Variants in PUDP observed in about 807,000 individuals in gnomAD.
The protein encoded by PUDP is pseudouridine-5'-phosphatase.
Under a neutral mutation model 9.4 loss-of-function variants are expected in PUDP, and 8 were observed. The ratio of observed to expected loss-of-function variants is 0.85; its 90% CI spans 0.50 to 1.53. The LOEUF (loss-of-function observed/expected upper bound fraction) is 1.53, where lower values mean the gene tolerates loss of function less well. Ranked by LOEUF, PUDP falls within the 40% of genes most tolerant of loss-of-function variation. PUDP has a pLI of 0.00. For missense variants in PUDP, 188 were observed against 189.7 expected, an observed-to-expected ratio of 0.99 and a Z score of 0.05; for synonymous variants, 99 against 80.7, an observed-to-expected ratio of 1.23 and a Z score of -1.22.
chrX:6,768,108 T>A (rs957755110), intron 3 of PUDP, among the ~76,000 whole-genome samples: 1 of 111,813 alleles, frequency 8.9e-6, no homozygotes, highest in Non-Finnish European at 1.9e-5. Context: ...AATCCAATGT[T>A]GGAATTTTAG....
intron 3 of PUDP, among the ~76,000 whole-genome samples, chrX:6,893,937 T>G (rs944953603): frequency 8.9e-6 from 1 of 111,918 alleles, no homozygotes; most frequent in African/African-American, 3.2e-5. Context: ...AACGAGATCA[T>G]GTCCTTTGCA....
intron 1 of PUDP, among the ~76,000 whole-genome samples, chrX:6,978,493 G>A (rs1370953147): frequency 2.7e-5 from 3 of 111,708 alleles, no homozygotes; most frequent in Admixed American, 9.5e-5. Context: ...CATGTGTATC[G>A]TTGTCCAGAT....
At chrX:6,986,531 G>C (rs1235869598) in intron 1 of PUDP, among the ~76,000 whole-genome samples, 1 of 111,839 alleles carries the variant, frequency 8.9e-6, no homozygotes, top group Non-Finnish European at 1.9e-5. Flanking sequence ...GTCTGAAAGA[G>C]GCACCCCTGT....
At chrX:6,959,765 G>T (rs769529229) in intron 3 of PUDP, among the ~76,000 whole-genome samples, 1 of 112,527 alleles carries the variant, frequency 8.9e-6, no homozygotes, top group Admixed American at 9.3e-5. Context: ...GGTGGGGATT[G>T]GGCCCCTAGG....
intron 1 of PUDP, among the ~76,000 whole-genome samples, chrX:6,998,652 GAAT>G (rs749321172): frequency 1.3e-4 from 15 of 112,298 alleles, no homozygotes; most frequent in Non-Finnish European, 1.7e-4. Context: ...GTTTTCATTA[GAAT>G]AATCGAGAGC....
At chrX:6,721,057 A>G (rs2146655287) in intron 1 of PUDP, among the ~76,000 whole-genome samples, 1 of 112,075 alleles carries the variant, frequency 8.9e-6, no homozygotes, top group Non-Finnish European at 1.9e-5. Flanking sequence ...GTTTAAATTT[A>G]CTTTCTTTAT....
intron 3 of PUDP, among the ~76,000 whole-genome samples, chrX:6,833,009 T>G (rs1926527214): frequency 1.1e-5 from 1 of 93,555 alleles, no homozygotes; most frequent in Non-Finnish European, 2.1e-5. Context: ...CACACACACT[T>G]CACCCAGTTA....
At chrX:7,037,790 C>CA (rs1483765366) in intron 1 of PUDP, among the ~76,000 whole-genome samples, 2 of 110,717 alleles carry the variant, frequency 1.8e-5, no homozygotes, top group Non-Finnish European at 3.8e-5. Flanking sequence ...AAATTCATTC[C>CA]TTTTTTTTTC....
chrX:7,057,967 A>G lies in PUDP; in HGVS notation c.511-7495T>C, dbSNP rs1930293368. On this transcript the variant is annotated intron_variant, in intron 3 of 3. Transcript: ENST00000381077. ...GGTCTCACTTCCCGGTGATGCTTCC[A>G]CCTTTGGCTCCTCCCTGCTGCAAAT... The G allele has an allele frequency of 1.3e-5, 6 of 445,800 alleles. No homozygotes were observed. The Admixed American group carries it at 2.3e-4, about 17-fold the overall frequency. The allele number at this position is 445,800 out of a possible 1,213,427, so 36.7% of individuals were successfully genotyped here.
At chrX:7,115,589 G>T (rs1388516966) in intron 1 of PUDP, among the ~76,000 whole-genome samples, 1 of 112,599 alleles carries the variant, frequency 8.9e-6, no homozygotes, top group Admixed American at 9.4e-5. Context: ...TCAGCCTTCT[G>T]AAATGGCTAG....
At chrX:6,990,626 C>T (rs2146804280) in intron 1 of PUDP, among the ~76,000 whole-genome samples, 1 of 112,254 alleles carries the variant, frequency 8.9e-6, no homozygotes, top group African/African-American at 3.2e-5. Flanking sequence ...AGAAGCTGTC[C>T]AGGCTGCAGA....
chrX:7,116,079 T>C (rs1413435238), intron 1 of PUDP, among the ~76,000 whole-genome samples: 1 of 112,589 alleles, frequency 8.9e-6, no homozygotes, highest in African/African-American at 3.2e-5. Context: ...GAGCAGAGGC[T>C]ATTCATTCAG....
intron 3 of PUDP, chrX:7,057,667 C>T (rs1930280070): frequency 2.6e-6 from 3 of 1,145,658 alleles, no homozygotes; most frequent in Non-Finnish European, 3.5e-6. Flanking sequence ...GTAGAAGGCT[C>T]GGGGTCTCCA....
intron 2 of PUDP, among the ~76,000 whole-genome samples, chrX:7,097,676 C>T (rs1398158964): frequency 3.6e-5 from 4 of 111,223 alleles, no homozygotes; most frequent in Non-Finnish European, 7.5e-5. Flanking sequence ...CGAGCACTCA[C>T]TCAGCACTAC....
chrX:6,967,899 G>A (rs1299675407), intron 3 of PUDP, among the ~76,000 whole-genome samples: 1 of 111,890 alleles, frequency 8.9e-6, no homozygotes, highest in Non-Finnish European at 1.9e-5. Context: ...TTCCAGAGAG[G>A]GTCCCACCTC....
At chrX:6,856,616 C>T (rs1389251821) in intron 3 of PUDP, among the ~76,000 whole-genome samples, 2 of 112,016 alleles carry the variant, frequency 1.8e-5, no homozygotes, top group Non-Finnish European at 3.8e-5. Context: ...TTTTTCAAAC[C>T]TACACTGTCG....
intron 3 of PUDP, among the ~76,000 whole-genome samples, chrX:6,853,780 T>A (rs1373321299): frequency 1.8e-5 from 2 of 111,476 alleles, no homozygotes; most frequent in East Asian, 5.6e-4. Flanking sequence ...AATTTTTTTT[T>A]AAGGCAATGT....
chrX:6,974,055 G>A (rs1287844764), intron 3 of PUDP, among the ~76,000 whole-genome samples: 2 of 111,615 alleles, frequency 1.8e-5, no homozygotes, highest in East Asian at 2.8e-4. Context: ...CCATTTGCTT[G>A]GTAAATATTC....
intron 1 of PUDP, among the ~76,000 whole-genome samples, chrX:7,110,222 G>A (rs986818459): frequency 3.6e-5 from 4 of 112,665 alleles, no homozygotes; most frequent in South Asian, 7.3e-4. Context: ...CCTGTGCCTG[G>A]AGGAAGTCTA....
Sources: gnomAD v4.1 joint callset for allele counts (sites outside exome capture counted in the v4.1 genomes callset) on GRCh38, gnomAD v4.1.1 for gene constraint, MANE v1.5 for transcripts, NCBI Gene and HGNC (gene_info 2026-07-23, HGNC 2026-07-21) for gene names.